ABHD17B: variants seen among roughly 807,000 people sequenced by gnomAD.
The protein encoded by ABHD17B is abhydrolase domain containing 17B, depalmitoylase, also known as alpha/beta hydrolase domain-containing protein 17B.
In ABHD17B, 9 loss-of-function variants were observed where a neutral mutation model predicts 26.2. The ratio of observed to expected loss-of-function variants is 0.34; its 90% CI spans 0.21 to 0.60. The LOEUF (loss-of-function observed/expected upper bound fraction) is 0.60. Ranked by LOEUF, ABHD17B falls within the 20% of genes least tolerant of loss-of-function variation. The pLI, the probability that ABHD17B is intolerant of heterozygous loss-of-function variation, is 0.80. For missense variants in ABHD17B, 224 were observed against 352.1 expected, an observed-to-expected ratio of 0.64 and a Z score of 2.91; for synonymous variants, 127 against 122.3, an observed-to-expected ratio of 1.04 and a Z score of -0.25.
intron 1 of ABHD17B, among the ~76,000 whole-genome samples, chr9:71,894,087 CAAAAAAAAAAAAAAA>C (rs1180729763): frequency 1.3e-4 from 7 of 52,324 alleles, no homozygotes; most frequent in Middle Eastern, 0.014. Flanking sequence ...GACTCTATCT[CAAAAAAAAAAAAAAA>C]AAAAAAAAAA....
rs1452957032 is a variant in ABHD17B, at chr9:71,897,168, T to A, written c.-4+13466A>T. ...TCCAAGAATAACCTATAAAACTAAT[T>A]AATAACAGTTGGCTTAGAGGGTTTC... On this transcript the variant is annotated intron_variant, in intron 1 of 3. Transcript: ENST00000333421. Among the ~76,000 whole-genome samples the A allele has an allele frequency of 2.0e-5, 3 of 152,182 alleles. No homozygotes were observed. The East Asian group carries it at 5.8e-4, about 29-fold the overall frequency.
At chr9:71,885,129 C>T (rs560458386) in intron 1 of ABHD17B, among the ~76,000 whole-genome samples, 1 of 151,758 alleles carries the variant, frequency 6.6e-6, no homozygotes, top group East Asian at 1.9e-4. Flanking sequence ...GGAATCTTGC[C>T]CCTCTTGCAA....
At chr9:71,890,185 G>C (rs1199848401) in intron 1 of ABHD17B, among the ~76,000 whole-genome samples, 2 of 152,086 alleles carry the variant, frequency 1.3e-5, no homozygotes, top group Non-Finnish European at 2.9e-5. Flanking sequence ...AGCTAGTCGG[G>C]AGGTTGAGAC....
At chr9:71,875,970 T>C (rs919174695) in intron 1 of ABHD17B, among the ~76,000 whole-genome samples, 7 of 152,314 alleles carry the variant, frequency 4.6e-5, no homozygotes, top group Non-Finnish European at 8.8e-5. Flanking sequence ...CACTACACTA[T>C]GTTACTGGGC....
chr9:71,882,606 T>C (rs1045742791), intron 1 of ABHD17B, among the ~76,000 whole-genome samples: 20 of 150,174 alleles, frequency 1.3e-4, no homozygotes, highest in African/African-American at 4.9e-4. Flanking sequence ...TGCAGTGAGC[T>C]GAGATCGCGC....
At chr9:71,876,836 T>C (rs1826293001) in intron 1 of ABHD17B, among the ~76,000 whole-genome samples, 1 of 152,122 alleles carries the variant, frequency 6.6e-6, no homozygotes, top group Non-Finnish European at 1.5e-5. Flanking sequence ...AGGGTAGGTA[T>C]AACATAAAAG....
intron 1 of ABHD17B, among the ~76,000 whole-genome samples, chr9:71,902,750 A>T (rs1048183127): frequency 1.3e-5 from 2 of 152,212 alleles, no homozygotes; most frequent in Non-Finnish European, 1.5e-5. Context: ...TTATCAGCAC[A>T]CTAAGCAGGA....
chr9:71,883,130 G>A (rs1364315553), intron 1 of ABHD17B, among the ~76,000 whole-genome samples: 4 of 152,154 alleles, frequency 2.6e-5, no homozygotes, highest in Admixed American at 6.5e-5. Context: ...GCGACAGGGC[G>A]AGACTCCATC....
intron 1 of ABHD17B, among the ~76,000 whole-genome samples, chr9:71,892,022 G>A (rs918047775): frequency 6.6e-6 from 1 of 152,144 alleles, no homozygotes; most frequent in Non-Finnish European, 1.5e-5. Flanking sequence ...CTATTAAAAA[G>A]CTGGTGACTT....
intron 1 of ABHD17B, among the ~76,000 whole-genome samples, chr9:71,903,743 T>C (rs1056327800): frequency 1.3e-5 from 2 of 152,342 alleles, no homozygotes; most frequent in East Asian, 3.9e-4. Flanking sequence ...TTTCCATCAA[T>C]GTTTTAGAAT....
At chr9:71,898,432 G>T (rs1161962782) in intron 1 of ABHD17B, among the ~76,000 whole-genome samples, 1 of 146,460 alleles carries the variant, frequency 6.8e-6, no homozygotes, top group Non-Finnish European at 1.5e-5. Context: ...GGGAGTTCGA[G>T]ACCAGCCTGA....
rs76573381 is a variant in ABHD17B at position 71,899,811 on chromosome 9, T to C, written c.-4+10823A>G. 9.0e-3 allele frequency among the ~76,000 whole-genome samples: 1,374 copies of C among 152,134 alleles called. 20 individuals carry two copies. Among genetic ancestry groups the C allele is most frequent in the African/African-American group, 0.031 (1,273 of 41,474 alleles). ...GGGACATCATATCCTATGTTAACAT[T>C]ATCTTTATGCAGCTAAATATGGCTC... On this transcript the variant is annotated intron_variant, in intron 1 of 3. Coordinates refer to ENST00000333421, the MANE Select transcript of ABHD17B (RefSeq NM_001025780.3).
chr9:71,895,295 G>T (rs967555680), intron 1 of ABHD17B, among the ~76,000 whole-genome samples: 1 of 152,180 alleles, frequency 6.6e-6, no homozygotes, highest in Non-Finnish European at 1.5e-5. Context: ...CACAGTGTTA[G>T]TAAATGGTAA....
chr9:71,882,325 G>A (rs922067048), intron 1 of ABHD17B, among the ~76,000 whole-genome samples: 2 of 152,188 alleles, frequency 1.3e-5, no homozygotes, highest in Non-Finnish European at 2.9e-5. Context: ...GCTGAAAAAC[G>A]TAAGCAATCC....
intron 2 of ABHD17B, among the ~76,000 whole-genome samples, chr9:71,871,399 T>C (rs1219811761): frequency 6.6e-6 from 1 of 152,202 alleles, no homozygotes; most frequent in Admixed American, 6.5e-5. Context: ...CTCTGTCTAC[T>C]TCAAATTGAC....
At chr9:71,875,771 G>A (rs1428791493) in intron 1 of ABHD17B, among the ~76,000 whole-genome samples, 1 of 152,230 alleles carries the variant, frequency 6.6e-6, no homozygotes, top group African/African-American at 2.4e-5. Context: ...ACCTCATGGA[G>A]AAGCTAGGAA....
At chr9:71,883,823 G>A (rs1230694205) in intron 1 of ABHD17B, among the ~76,000 whole-genome samples, 1 of 152,096 alleles carries the variant, frequency 6.6e-6, no homozygotes, top group South Asian at 2.1e-4. Context: ...TGTAATCCCA[G>A]CTACTCGGGA....
chr9:71,904,889 T>A (rs1256128687), intron 1 of ABHD17B, among the ~76,000 whole-genome samples: 2 of 152,180 alleles, frequency 1.3e-5, no homozygotes, highest in Non-Finnish European at 2.9e-5. Flanking sequence ...TAAAGGGCAG[T>A]CATTTTTAAG....
chr9:71,891,178 T>C (rs964332757), intron 1 of ABHD17B, among the ~76,000 whole-genome samples: 12 of 152,236 alleles, frequency 7.9e-5, no homozygotes, highest in Non-Finnish European at 1.2e-4. Context: ...CCACATTTTC[T>C]AGTACCAAGT....
Sources: gnomAD v4.1 joint callset for allele counts (sites outside exome capture counted in the v4.1 genomes callset) on GRCh38, gnomAD v4.1.1 for gene constraint, MANE v1.5 for transcripts, NCBI Gene and HGNC (gene_info 2026-07-23, HGNC 2026-07-21) for gene names.